RAB5B: variants seen among roughly 807,000 people sequenced by gnomAD.
The protein encoded by RAB5B is ras-related protein Rab-5B.
In RAB5B, 11 loss-of-function variants were observed where a neutral mutation model predicts 28.6. That is an observed-to-expected ratio of 0.38 (90% CI 0.24 to 0.64). RAB5B has a LOEUF of 0.64. Among genes scored for constraint, RAB5B ranks in the 30% least tolerant of loss-of-function variants. The pLI, the probability that RAB5B is intolerant of heterozygous loss-of-function variation, is 0.53. For missense variants in RAB5B, 169 were observed against 265.6 expected (o/e 0.64, Z 2.53); for synonymous variants, 93 against 97.9 (o/e 0.95, Z 0.29).
At chr12:55,979,785 C>G (rs1889748098) in intron 1 of RAB5B, among the ~76,000 whole-genome samples, 1 of 152,164 alleles carries the variant, frequency 6.6e-6, no homozygotes, top group African/African-American at 2.4e-5. Context: ...TCTATCCAGT[C>G]TAAGCTCTCG....
chr12:55,988,835 G>A (rs1592804846), intron 2 of RAB5B, among the ~76,000 whole-genome samples: 1 of 149,910 alleles, frequency 6.7e-6, no homozygotes, highest in South Asian at 2.1e-4. Flanking sequence ...TCTTGGAAAT[G>A]TATTCCTGGA....
At chr12:55,987,357 C>A (rs1443922428) in intron 2 of RAB5B, among the ~76,000 whole-genome samples, 1 of 151,870 alleles carries the variant, frequency 6.6e-6, no homozygotes, top group East Asian at 2.0e-4. Context: ...GAGGGGGTTT[C>A]ACCATCATGT....
At chr12:55,988,799 G>A (rs1163278581) in intron 2 of RAB5B, among the ~76,000 whole-genome samples, 5 of 149,708 alleles carry the variant, frequency 3.3e-5, no homozygotes, top group African/African-American at 9.8e-5. Context: ...CACCGTGCCT[G>A]GCCTCTTTCC....
intron 1 of RAB5B, chr12:55,980,843 G>A: frequency 1.2e-6 from 2 of 1,604,190 alleles, no homozygotes; most frequent in Non-Finnish European, 1.7e-6. Flanking sequence ...TTGGCCAGCT[G>A]TGTCCCAGAC....
In RAB5B at chr12:55,990,407, CA is replaced by C. The variant is rs377074890; in HGVS notation, c.316-265del. Among the ~76,000 whole-genome samples the C allele has an allele frequency of 8.6e-4, 110 of 127,994 alleles. 2 individuals are homozygous for C. The East Asian group carries it at 0.013, about 15-fold the overall frequency. 84.0% of individuals were successfully genotyped at this position (127,994 alleles called of 152,430 possible). On this transcript the variant is annotated intron_variant, in intron 3 of 5. Transcript: ENST00000360299. ...TCGGCGACAGAGCAAAACTCCGCCT[CA>C]AAAAAAAAAGAAAAAAGACTGTCCT...
intron 1 of RAB5B, among the ~76,000 whole-genome samples, chr12:55,981,510 C>T (rs572381231): frequency 3.3e-5 from 5 of 152,150 alleles, no homozygotes; most frequent in Admixed American, 6.6e-5. Flanking sequence ...CTATATATAC[C>T]GAGAACTCTG....
At chr12:55,981,986 G>C (rs1889821149) in intron 1 of RAB5B, among the ~76,000 whole-genome samples, 1 of 151,878 alleles carries the variant, frequency 6.6e-6, no homozygotes, top group Non-Finnish European at 1.5e-5. Flanking sequence ...GTTTTTAATA[G>C]AGACGGGGTT....
intron 1 of RAB5B, among the ~76,000 whole-genome samples, chr12:55,984,706 C>T (rs942012563): frequency 7.9e-5 from 12 of 152,126 alleles, no homozygotes; most frequent in Non-Finnish European, 1.2e-4. Context: ...GCTCGAACTT[C>T]TGACCTCAGG....
At chr12:55,990,432 C>T (rs1890080181) in intron 3 of RAB5B, among the ~76,000 whole-genome samples, 1 of 151,964 alleles carries the variant, frequency 6.6e-6, no homozygotes, top group South Asian at 2.1e-4. Context: ...AAAGACTGTC[C>T]TTGCTTATAT....
In RAB5B at chr12:55,996,003, A is replaced by ATATATATTTTTTTTT; in HGVS notation, c.*3792_*3793insATATATTTTTTTTTT. ...TATATACATATATATATATATATAT[A>ATATATATTTTTTTTT]TTTTTTTTTTAACAACTGGTAGGAT... On this transcript the variant is annotated 3_prime_UTR_variant, in exon 6 of 6. Transcript: ENST00000360299. The ATATATATTTTTTTTT allele has an allele frequency of 1.1e-4, 11 of 97,410 alleles. No homozygotes were observed. The highest frequency in any genetic ancestry group is 1.6e-4 in the Non-Finnish European group (8 of 50,484). The allele number at this position is 97,410 out of a possible 1,614,324, so 6.0% of individuals were successfully genotyped here.
At chr12:55,989,871 A>T in intron 2 of RAB5B, 76 bp from the exon 3 acceptor site, 3 of 1,523,704 alleles carry the variant, frequency 2.0e-6, no homozygotes, top group Non-Finnish European at 1.8e-6. Flanking sequence ...GGGCAGTTAC[A>T]TTTTGAAGGG....
intron 3 of RAB5B, 187 bp downstream of exon 3, chr12:55,990,285 G>A (rs1427496975): frequency 3.4e-6 from 2 of 584,404 alleles, no homozygotes; most frequent in African/African-American, 3.8e-5. Context: ...GTGCGCGCCT[G>A]TAGTCCCAGC....
At chr12:55,984,954 CATATT>C (rs1195685347) in intron 1 of RAB5B, among the ~76,000 whole-genome samples, 1 of 152,150 alleles carries the variant, frequency 6.6e-6, no homozygotes, top group African/African-American at 2.4e-5. Flanking sequence ...CTCTTTATAT[CATATT>C]AGTAATGATT....
intron 5 of RAB5B, chr12:55,991,797 C>T (rs758422274): frequency 1.7e-5 from 7 of 409,928 alleles, no homozygotes; most frequent in Non-Finnish European, 3.2e-5. Flanking sequence ...CGTGGTGGCG[C>T]ACACCTGTAG....
intron 4 of RAB5B, 147 bp downstream of exon 4, chr12:55,990,951 G>A: frequency 9.4e-7 from 1 of 1,062,434 alleles, no homozygotes; most frequent in Non-Finnish European, 1.4e-6. Context: ...CAGCAACACT[G>A]TGACCCTAAT....
rs760478374 is a variant in RAB5B at position 55,986,969 on chromosome 12, C to G, written c.9C>G (p.Ser3Arg). Residue 3 changes from serine to arginine, a missense_variant, in exon 2 of 6, where the codon AGC (serine) becomes AGG (arginine). Physicochemically the swap from Ser to Arg is moderately radical, Grantham distance 110 (BLOSUM62 -1). Around this residue, in one of 3 missense-constraint regions of RAB5B, gnomAD observed 43 missense variants for 85.8 expected, o/e 0.50. Coordinates refer to ENST00000360299, the MANE Select transcript of RAB5B (RefSeq NM_002868.4). ...ATTCTGATAATCTGGCCATGACTAG[C>G]AGAAGCACAGCTAGGCCCAATGGGC... The part of the protein sequence containing the change: MT[S>R]RSTARPNGQP... 2.2e-6 allele frequency: 3 copies of G among 1,379,798 alleles called. No individual in the cohort carries two copies. The South Asian group carries it at 3.4e-5, about 16-fold the overall frequency. 85.5% of individuals were successfully genotyped at this position (1,379,798 alleles called of 1,614,324 possible).
chr12:55,995,989 A>T lies in RAB5B; in HGVS notation c.*3777A>T, dbSNP rs1166003146. ...TCTCTCTCCATATATATATACATATATATATATATATATATTTTTTTTTTA... is the reference window on the plus strand; with the variant it reads ...TCTCTCTCCATATATATATACATATTTATATATATATATATTTTTTTTTTA... On this transcript the variant is annotated 3_prime_UTR_variant, in exon 6 of 6. Transcript: ENST00000360299. 9 of 100,306 alleles carry T rather than the reference A, an allele frequency of 9.0e-5. No homozygotes were observed. Among genetic ancestry groups the T allele is most frequent in the African/African-American group, 4.2e-4 (8 of 18,922 alleles). 6.2% of individuals were successfully genotyped at this position (100,306 alleles called of 1,614,324 possible).
chr12:55,991,553 A>G (rs534472532), intron 5 of RAB5B, 100 bp downstream of exon 5: 5 of 950,672 alleles, frequency 5.3e-6, no homozygotes, highest in East Asian at 2.5e-5. Flanking sequence ...TCCTTTTGCA[A>G]AAACTTTAGG....
At chr12:55,974,018 C>T (rs1889566464), upstream of RAB5B, 1 of 152,662 alleles carries the variant, frequency 6.6e-6, no homozygotes, top group Non-Finnish European at 1.5e-5. Flanking sequence ...GGTAATCGAG[C>T]TATTGGCTGG....
Sources: allele counts gnomAD v4.1 joint callset (sites outside exome capture counted in the v4.1 genomes callset), GRCh38; gene constraint gnomAD v4.1.1; regional missense constraint gnomAD v4.1.1; transcripts MANE v1.5; gene names NCBI Gene and HGNC (gene_info 2026-07-23, HGNC 2026-07-21).